Variants in FMN2 observed in about 807,000 individuals in gnomAD.
The protein encoded by FMN2 is formin 2.
A neutral mutation model predicts 142.3 loss-of-function variants in FMN2; 51 were observed. The observed-to-expected ratio is 0.36, with a 90% CI of 0.29 to 0.45. FMN2 has a LOEUF of 0.45. Ranked by LOEUF, FMN2 falls within the 20% of genes least tolerant of loss-of-function variation. The pLI, the probability that FMN2 is intolerant of heterozygous loss-of-function variation, is 1.00. For synonymous variants in FMN2, 882 were observed against 869.8 expected (o/e 1.01, Z -0.25); for missense variants, 1,936 against 2,122.8 (o/e 0.91, Z 1.73).
At chr1:240,424,769 C>G (rs902312273) in intron 15 of FMN2, among the ~76,000 whole-genome samples, 1 of 152,160 alleles carries the variant, frequency 6.6e-6, no homozygotes. Context: ...CTCCACCACT[C>G]TGGGTTAGAG....
chr1:240,427,128 A>G (rs1674969649), intron 15 of FMN2, among the ~76,000 whole-genome samples: 3 of 151,212 alleles, frequency 2.0e-5, no homozygotes, highest in African/African-American at 7.3e-5. Flanking sequence ...ATACCAAGTC[A>G]TTGTTCAAAA....
At chr1:240,115,814 G>A (rs913729047) in intron 1 of FMN2, among the ~76,000 whole-genome samples, 3 of 152,166 alleles carry the variant, frequency 2.0e-5, no homozygotes, top group African/African-American at 7.2e-5. Context: ...ATAAAAGGGT[G>A]GCTACCCCAT....
intron 15 of FMN2, among the ~76,000 whole-genome samples, chr1:240,431,402 T>TTATA (rs35500291): frequency 0.012 from 1,705 of 139,162 alleles, 43 homozygotes; most frequent in African/African-American, 0.044. Flanking sequence ...CAACCATGTT[T>TTATA]TATATATATA....
intron 6 of FMN2, among the ~76,000 whole-genome samples, chr1:240,233,840 C>A (rs926448110): frequency 8.5e-5 from 13 of 152,112 alleles, no homozygotes; most frequent in African/African-American, 3.1e-4. Context: ...CATTGGCCCC[C>A]TCCCTCCTTA....
In FMN2 at chr1:240,098,097, A is replaced by ATTTTTTTTTTTTTTTTTTTTTTTTT. The variant is rs35191164; in HGVS notation, c.1615+4394_1615+4395insTTTTTTTTTTTTTTTTTTTTTTTTT. Among the ~76,000 whole-genome samples, 52 of 98,666 alleles carry ATTTTTTTTTTTTTTTTTTTTTTTTT rather than the reference A, an allele frequency of 5.3e-4. 2 individuals are homozygous for ATTTTTTTTTTTTTTTTTTTTTTTTT. The highest frequency in any genetic ancestry group is 1.1e-3 in the African/African-American group (25 of 21,852). 64.7% of individuals were successfully genotyped at this position (98,666 alleles called of 152,430 possible). A position where few individuals can be genotyped will look rare whatever the true frequency, so the allele number is the denominator to read the frequency against. On this transcript the variant is annotated intron_variant, in intron 1 of 17. Coordinates refer to ENST00000319653, the MANE Select transcript of FMN2 (RefSeq NM_020066.5). ...TTGGCCTTTCTAAAGGTTATCTTGA[A>ATTTTTTTTTTTTTTTTTTTTTTTTT]TTTTTTTTTTTTTTTTTTTTTGGAG...
intron 16 of FMN2, among the ~76,000 whole-genome samples, chr1:240,468,115 C>CT (rs1350686745): frequency 6.6e-6 from 1 of 152,022 alleles, no homozygotes; most frequent in East Asian, 1.9e-4. Flanking sequence ...TTTTACTTCC[C>CT]TTTTTAGTTC....
intron 14 of FMN2, among the ~76,000 whole-genome samples, chr1:240,361,158 T>A (rs1369818716): frequency 4.7e-4 from 15 of 31,856 alleles, no homozygotes; most frequent in African/African-American, 2.9e-3. Context: ...TATATATATA[T>A]ATATATATAT....
chr1:240,159,428 T>C (rs186207170), intron 2 of FMN2, among the ~76,000 whole-genome samples: 1 of 152,280 alleles, frequency 6.6e-6, no homozygotes, highest in East Asian at 1.9e-4. Context: ...TTGACAGTAG[T>C]AGCCCCACTC....
intron 8 of FMN2, among the ~76,000 whole-genome samples, chr1:240,308,486 T>C (rs1268437086): frequency 1.3e-5 from 2 of 152,158 alleles, no homozygotes; most frequent in Non-Finnish European, 2.9e-5. Flanking sequence ...AGCCATGGTG[T>C]TTAGTTTCGT....
At chr1:240,283,071 A>G (rs185569136) in intron 7 of FMN2, among the ~76,000 whole-genome samples, 47 of 152,246 alleles carry the variant, frequency 3.1e-4, no homozygotes, top group African/African-American at 9.6e-4. Context: ...GAAGGTTTCT[A>G]TGCTTTATTG....
At chr1:240,141,049 C>A (rs1025381657) in intron 2 of FMN2, among the ~76,000 whole-genome samples, 8 of 152,296 alleles carry the variant, frequency 5.3e-5, no homozygotes, top group Non-Finnish European at 8.8e-5. Flanking sequence ...AAATTTCTTT[C>A]ATTTACAACA....
chr1:240,359,173 G>GC (rs1347126397), intron 14 of FMN2, among the ~76,000 whole-genome samples: 1 of 152,008 alleles, frequency 6.6e-6, no homozygotes, highest in Non-Finnish European at 1.5e-5. Context: ...CAATTCCTTT[G>GC]CCCCCATGTT....
intron 15 of FMN2, among the ~76,000 whole-genome samples, chr1:240,408,498 T>G (rs2103121477): frequency 6.6e-6 from 1 of 152,294 alleles, no homozygotes; most frequent in Non-Finnish European, 1.5e-5. Context: ...TATTCTAGGT[T>G]TTTGCAGCTG....
chr1:240,216,466 T>A (rs1666900344), intron 6 of FMN2, among the ~76,000 whole-genome samples: 1 of 152,216 alleles, frequency 6.6e-6, no homozygotes, highest in African/African-American at 2.4e-5. Context: ...CTATGTAATC[T>A]ATCAGATTAA....
chr1:240,273,097 A>G (rs1669078111), intron 7 of FMN2, among the ~76,000 whole-genome samples: 1 of 152,154 alleles, frequency 6.6e-6, no homozygotes, highest in Non-Finnish European at 1.5e-5. Flanking sequence ...ACTTAAGAGG[A>G]GGGTTCTCTA....
intron 13 of FMN2, 43 bp downstream of exon 13, chr1:240,334,272 T>G: frequency 6.5e-7 from 1 of 1,535,024 alleles, no homozygotes; most frequent in Non-Finnish European, 8.7e-7. Context: ...TTATGCTTTT[T>G]TAATGAGAGA....
intron 6 of FMN2, among the ~76,000 whole-genome samples, chr1:240,248,434 T>G (rs1232586967): frequency 7.3e-5 from 1 of 13,636 alleles, no homozygotes; most frequent in Non-Finnish European, 1.1e-4. Flanking sequence ...TGTGATTGGA[T>G]ATATATATAT....
At chr1:240,313,935 C>G (rs947438147) in intron 8 of FMN2, among the ~76,000 whole-genome samples, 3 of 152,040 alleles carry the variant, frequency 2.0e-5, no homozygotes, top group Non-Finnish European at 4.4e-5. Flanking sequence ...GATTGAGCCA[C>G]TGCACACTTC....
At chr1:240,432,814 A>G (rs2103167183) in intron 15 of FMN2, among the ~76,000 whole-genome samples, 1 of 152,100 alleles carries the variant, frequency 6.6e-6, no homozygotes, top group Non-Finnish European at 1.5e-5. Context: ...TTGTTCCTTC[A>G]TAATTTAATA....
Sources: gnomAD v4.1 joint callset for allele counts (sites outside exome capture counted in the v4.1 genomes callset) on GRCh38, gnomAD v4.1.1 for gene constraint, MANE v1.5 for transcripts, NCBI Gene and HGNC (gene_info 2026-07-23, HGNC 2026-07-21) for gene names.